CTNND2: variants seen among roughly 807,000 people sequenced by gnomAD.
CTNND2 encodes catenin delta-2.
A neutral mutation model predicts 144.4 loss-of-function variants in CTNND2; 22 were observed. That is an observed-to-expected ratio of 0.15 (90% CI 0.11 to 0.22). The LOEUF is 0.22. Ranked by LOEUF, CTNND2 falls within the 10% of genes least tolerant of loss-of-function variation. CTNND2 has a pLI of 1.00. For missense variants in CTNND2, 1,353 were observed against 1,618.8 expected (o/e 0.84, Z 2.82); for synonymous variants, 751 against 695.6 (o/e 1.08, Z -1.25).
intron 1 of CTNND2, among the ~76,000 whole-genome samples, chr5:11,818,931 C>A (rs1336366225): frequency 2.6e-5 from 4 of 152,036 alleles, no homozygotes; most frequent in Admixed American, 6.5e-5. Flanking sequence ...GAAGCAGGCA[C>A]CATGTGTCTC....
chr5:11,248,827 C>T (rs918856371), intron 9 of CTNND2, among the ~76,000 whole-genome samples: 13 of 152,318 alleles, frequency 8.5e-5, no homozygotes, highest in South Asian at 6.2e-4. Context: ...TTGGGGCTGA[C>T]GGTTTACCGG....
chr5:11,191,754 AATC>A (rs1230599787), intron 11 of CTNND2, among the ~76,000 whole-genome samples: 2 of 152,176 alleles, frequency 1.3e-5, no homozygotes, highest in Non-Finnish European at 2.9e-5. Flanking sequence ...GGCCAGGAAT[AATC>A]ATGCAGAGTT....
At chr5:11,430,470 T>C (rs191601392) in intron 3 of CTNND2, among the ~76,000 whole-genome samples, 182 of 151,654 alleles carry the variant, frequency 1.2e-3, no homozygotes, top group Non-Finnish European at 1.9e-3. Flanking sequence ...GCATGTTTCC[T>C]TTCCTTTGTC....
chr5:11,377,042 G>T (rs1487519234), intron 7 of CTNND2, among the ~76,000 whole-genome samples: 2 of 143,106 alleles, frequency 1.4e-5, no homozygotes, highest in East Asian at 2.0e-4. Context: ...CCTGGTCTCT[G>T]TGTTTTTGTC....
chr5:11,104,991 T>A (rs527434738), intron 14 of CTNND2, among the ~76,000 whole-genome samples: 64 of 152,314 alleles, frequency 4.2e-4, no homozygotes, highest in African/African-American at 1.5e-3. Flanking sequence ...GTGAAGCTGG[T>A]GATGCTGCCT....
At chr5:10,994,212 G>A (rs1241153699) in intron 18 of CTNND2, among the ~76,000 whole-genome samples, 3 of 131,182 alleles carry the variant, frequency 2.3e-5, no homozygotes, top group Admixed American at 8.1e-5. Context: ...AAACCAAGCC[G>A]GATTAGGGGA....
rs80248066 is a variant in CTNND2 at position 11,174,227 on chromosome 5, G to A, written c.1976-14468C>T. On this transcript the variant is annotated intron_variant, in intron 11 of 21. Transcript: ENST00000304623. ...CATCACTATCAAGAGGCAGCTGGGT[G>A]CATGAGTTGAGTGCTGCACAAAGGT... is the stretch of plus-strand genomic sequence containing the variant. Among the ~76,000 whole-genome samples, 673 of 152,270 alleles carry A rather than the reference G, an allele frequency of 4.4e-3. 11 individuals are homozygous for A. The highest frequency in any genetic ancestry group is 0.03 in the East Asian group (156 of 5,174).
intron 9 of CTNND2, among the ~76,000 whole-genome samples, chr5:11,327,109 G>A (rs1752610564): frequency 6.6e-6 from 1 of 152,194 alleles, no homozygotes; most frequent in African/African-American, 2.4e-5. Flanking sequence ...TCTCAAGCTA[G>A]AGGGTATGCT....
chr5:11,890,349 C>CTGCT (rs1736862929), intron 1 of CTNND2, among the ~76,000 whole-genome samples: 1 of 152,202 alleles, frequency 6.6e-6, no homozygotes, highest in African/African-American at 2.4e-5. Context: ...GAAAGACAAC[C>CTGCT]TGCTCTCTCT....
intron 18 of CTNND2, 60 bp downstream of exon 18, chr5:11,017,914 C>T (rs190816030): frequency 8.6e-5 from 113 of 1,320,714 alleles, no homozygotes; most frequent in African/African-American, 2.0e-4. Flanking sequence ...ACGTCTGTGA[C>T]GCCTCTCAGG....
chr5:11,071,199 A>G lies in CTNND2; in HGVS notation c.2788+11497T>C, dbSNP rs144815994. Among the ~76,000 whole-genome samples the G allele has an allele frequency of 3.2e-3, 480 of 152,338 alleles. 2 individuals carry two copies. The highest frequency in any genetic ancestry group is 0.01 in the South Asian group (49 of 4,828). On this transcript the variant is annotated intron_variant, in intron 16 of 21. Transcript: ENST00000304623. ...GAAGAGAGACATATCTACTGCACTA[A>G]GAAGCACAAAGGCTCTTGGGGGCCT... is the stretch of plus-strand genomic sequence containing the variant.
At chr5:11,030,062 C>A (rs1308286291) in intron 16 of CTNND2, among the ~76,000 whole-genome samples, 3 of 151,874 alleles carry the variant, frequency 2.0e-5, no homozygotes, top group African/African-American at 7.3e-5. Flanking sequence ...GGCACCATGA[C>A]TATATCAACC....
intron 2 of CTNND2, among the ~76,000 whole-genome samples, chr5:11,641,581 T>C (rs1483691643): frequency 1.4e-5 from 2 of 140,552 alleles, no homozygotes; most frequent in East Asian, 3.9e-4. Flanking sequence ...CGTGTGTATG[T>C]ATATACATAT....
intron 2 of CTNND2, among the ~76,000 whole-genome samples, chr5:11,716,099 T>C (rs775628270): frequency 1.3e-5 from 2 of 152,268 alleles, no homozygotes; most frequent in East Asian, 3.9e-4. Context: ...ACGACCAACA[T>C]GAGCATGGGG....
At chr5:11,512,932 C>G (rs933792744) in intron 3 of CTNND2, among the ~76,000 whole-genome samples, 1 of 152,202 alleles carries the variant, frequency 6.6e-6, no homozygotes, top group Non-Finnish European at 1.5e-5. Context: ...GTTTTTCATA[C>G]AAATCTCACG....
chr5:11,674,249 T>A (rs1018640830), intron 2 of CTNND2, among the ~76,000 whole-genome samples: 6 of 152,194 alleles, frequency 3.9e-5, no homozygotes, highest in Non-Finnish European at 7.3e-5. Context: ...ATAGCAAGGT[T>A]AAAAGACAGT....
At chr5:11,627,772 C>T (rs1304739474) in intron 2 of CTNND2, among the ~76,000 whole-genome samples, 3 of 150,660 alleles carry the variant, frequency 2.0e-5, no homozygotes, top group South Asian at 2.1e-4. Context: ...GTATTACATG[C>T]TCATCACAAT....
intron 3 of CTNND2, among the ~76,000 whole-genome samples, chr5:11,455,276 TTG>T (rs1377777202): frequency 6.6e-6 from 1 of 152,234 alleles, no homozygotes; most frequent in East Asian, 1.9e-4. Context: ...CATTTTCCAT[TTG>T]TGTTTCCAAG....
At chr5:11,253,539 C>T (rs544728285) in intron 9 of CTNND2, among the ~76,000 whole-genome samples, 1 of 152,168 alleles carries the variant, frequency 6.6e-6, no homozygotes. Context: ...GTAAGACATG[C>T]CTTTCACCTT....
Sources: allele counts gnomAD v4.1 joint callset (sites outside exome capture counted in the v4.1 genomes callset), GRCh38; gene constraint gnomAD v4.1.1; transcripts MANE v1.5; gene names NCBI Gene and HGNC (gene_info 2026-07-23, HGNC 2026-07-21).